Variants in TMTC1 observed in about 807,000 individuals in gnomAD.
The protein encoded by TMTC1 is transmembrane O-mannosyltransferase targeting cadherins 1, also known as protein O-mannosyl-transferase TMTC1.
A neutral mutation model predicts 104.8 loss-of-function variants in TMTC1; 73 were observed. The ratio of observed to expected loss-of-function variants is 0.70; its 90% CI spans 0.58 to 0.85. The LOEUF is 0.85. TMTC1 is among the 40% of genes least tolerant of loss of function. TMTC1 has a pLI of 0.00. For missense variants in TMTC1, 1,035 were observed against 1,096.1 expected, an observed-to-expected ratio of 0.94 and a Z score of 0.79; for synonymous variants, 434 against 428.7, an observed-to-expected ratio of 1.01 and a Z score of -0.15.
chr12:29,522,842 T>C (rs1320417046), intron 11 of TMTC1, among the ~76,000 whole-genome samples: 1 of 152,150 alleles, frequency 6.6e-6, no homozygotes, highest in Non-Finnish European at 1.5e-5. Flanking sequence ...GGGACAACAA[T>C]CATACTTATC....
At chr12:29,743,326 A>T (rs1424919446) in intron 5 of TMTC1, among the ~76,000 whole-genome samples, 1 of 152,140 alleles carries the variant, frequency 6.6e-6, no homozygotes, top group Non-Finnish European at 1.5e-5. Flanking sequence ...ATTGTAAGCC[A>T]CCTGTAAAAT....
chr12:29,587,864 G>T (rs2136344946), intron 7 of TMTC1, among the ~76,000 whole-genome samples: 1 of 152,240 alleles, frequency 6.6e-6, no homozygotes, highest in South Asian at 2.1e-4. Flanking sequence ...CCAGTCTAGT[G>T]AATCAGGTTG....
chr12:29,615,173 C>T (rs951675586), intron 6 of TMTC1, among the ~76,000 whole-genome samples: 23 of 152,138 alleles, frequency 1.5e-4, no homozygotes, highest in Admixed American at 5.9e-4. Flanking sequence ...CAATTAAAAC[C>T]AGATGGGATA....
chr12:29,713,343 G>GGAGA (rs113105294), intron 5 of TMTC1, among the ~76,000 whole-genome samples: 7 of 99,068 alleles, frequency 7.1e-5, no homozygotes, highest in African/African-American at 2.7e-4. Flanking sequence ...ACACACACAG[G>GGAGA]GAGAGAGAGA....
intron 2 of TMTC1, among the ~76,000 whole-genome samples, chr12:29,763,379 G>A (rs925019886): frequency 1.3e-5 from 2 of 152,160 alleles, no homozygotes; most frequent in African/African-American, 4.8e-5. Flanking sequence ...CTAAAAACAG[G>A]TGCTATAATA....
intron 5 of TMTC1, among the ~76,000 whole-genome samples, chr12:29,670,041 GT>G (rs1186499907): frequency 1.3e-5 from 2 of 152,136 alleles, no homozygotes; most frequent in Non-Finnish European, 2.9e-5. Context: ...ATCCATCCAA[GT>G]TTGTTGCAAA....
chr12:29,719,438 G>A (rs1942174467), intron 5 of TMTC1, among the ~76,000 whole-genome samples: 1 of 152,076 alleles, frequency 6.6e-6, no homozygotes, highest in Non-Finnish European at 1.5e-5. Context: ...TGGAAAATAC[G>A]GTGGTATGAA....
At chr12:29,684,563 AG>A (rs1399000243) in intron 5 of TMTC1, among the ~76,000 whole-genome samples, 1 of 152,174 alleles carries the variant, frequency 6.6e-6, no homozygotes, top group Non-Finnish European at 1.5e-5. Context: ...TACCAGAACT[AG>A]GGTCATCAGG....
chr12:29,639,257 G>A (rs1234400609), intron 5 of TMTC1, among the ~76,000 whole-genome samples: 1 of 152,134 alleles, frequency 6.6e-6, no homozygotes, highest in African/African-American at 2.4e-5. Flanking sequence ...TCTAAGAAAT[G>A]ATAGATTAAT....
At chr12:29,618,966 T>C (rs1461272850) in intron 6 of TMTC1, among the ~76,000 whole-genome samples, 2 of 152,192 alleles carry the variant, frequency 1.3e-5, no homozygotes, top group Non-Finnish European at 2.9e-5. Flanking sequence ...TATGAATCAT[T>C]ATGAGAAATA....
chr12:29,681,852 T>C (rs1940929955), intron 5 of TMTC1, among the ~76,000 whole-genome samples: 1 of 152,198 alleles, frequency 6.6e-6, no homozygotes, highest in African/African-American at 2.4e-5. Context: ...TAATGAGTAA[T>C]TGCCCATTTA....
chr12:29,645,606 T>C (rs1418578690), intron 5 of TMTC1, among the ~76,000 whole-genome samples: 1 of 152,134 alleles, frequency 6.6e-6, no homozygotes, highest in Non-Finnish European at 1.5e-5. Flanking sequence ...AAAAAGGAAA[T>C]ACAGTTTCTG....
intron 5 of TMTC1, among the ~76,000 whole-genome samples, chr12:29,732,670 T>A (rs1942574939): frequency 2.0e-5 from 3 of 151,964 alleles, no homozygotes; most frequent in South Asian, 4.2e-4. Context: ...GTACGGGATT[T>A]AAAAAAAATT....
intron 3 of TMTC1, among the ~76,000 whole-genome samples, chr12:29,756,268 A>G (rs1391378103): frequency 6.6e-6 from 1 of 152,212 alleles, no homozygotes; most frequent in Non-Finnish European, 1.5e-5. Context: ...AATTAACAGG[A>G]TAATATGGGG....
At chr12:29,574,061 T>G (rs1038335929) in intron 8 of TMTC1, among the ~76,000 whole-genome samples, 1 of 151,832 alleles carries the variant, frequency 6.6e-6, no homozygotes, top group Non-Finnish European at 1.5e-5. Flanking sequence ...TAGTCAGAAT[T>G]TCAGCAGGGG....
chr12:29,619,424 G>A (rs755178728), intron 6 of TMTC1, among the ~76,000 whole-genome samples: 62 of 152,190 alleles, frequency 4.1e-4, no homozygotes, highest in Non-Finnish European at 8.2e-4. Context: ...AATTTTACAG[G>A]TGACATATTA....
chr12:29,506,977 C>T lies in TMTC1; in HGVS notation c.2518G>A (p.Val840Met). The T allele has an allele frequency of 5.6e-6, 9 of 1,613,736 alleles. No individual in the cohort carries two copies. The highest frequency in any genetic ancestry group is 7.6e-6 in the Non-Finnish European group (9 of 1,179,660). Residue 840 changes from valine (V) to methionine (M), a missense_variant, in exon 18 of 18, where the codon GTG becomes ATG. By Grantham distance (21) the Val-to-Met change is conservative. Transcript: ENST00000539277. ...GGIQHIKGKY[V>M]SARAYYERAL... ...CTCTCATAATAAGCTCTTGCAGACA[C>T]ATATTTTCCCTGGGGGTGGGAAAGA...
chr12:29,528,549 A>G (rs1944411352), intron 11 of TMTC1, among the ~76,000 whole-genome samples: 1 of 152,190 alleles, frequency 6.6e-6, no homozygotes, highest in Non-Finnish European at 1.5e-5. Flanking sequence ...CCAATATAGC[A>G]CACTTTTTAC....
chr12:29,665,646 G>A (rs1940248257), intron 5 of TMTC1, among the ~76,000 whole-genome samples: 1 of 152,172 alleles, frequency 6.6e-6, no homozygotes, highest in Non-Finnish European at 1.5e-5. Context: ...ATATGACAAA[G>A]TTTCTTTGTT....
Sources: allele counts gnomAD v4.1 joint callset (sites outside exome capture counted in the v4.1 genomes callset), GRCh38; gene constraint gnomAD v4.1.1; transcripts MANE v1.5; gene names NCBI Gene and HGNC (gene_info 2026-07-23, HGNC 2026-07-21).